The following CCNY variants were observed in gnomAD, a reference collection of about 807,000 sequenced individuals.
CCNY encodes the protein cyclin-Y.
Under a neutral mutation model 42.8 loss-of-function variants are expected in CCNY, and 19 were observed. That is an observed-to-expected ratio of 0.44 (90% CI 0.31 to 0.65). The LOEUF (loss-of-function observed/expected upper bound fraction) is 0.65, where lower values mean the gene tolerates loss of function less well. Among genes scored for constraint, CCNY ranks in the 30% least tolerant of loss-of-function variants. The pLI, the probability that CCNY is intolerant of heterozygous loss-of-function variation, is 0.07. For missense variants in CCNY, 370 were observed against 437.3 expected (o/e 0.85, Z 1.37); for synonymous variants, 165 against 162.7 (o/e 1.01, Z -0.11).
chr10:35,430,133 C>T (rs956895606), intron 1 of CCNY, among the ~76,000 whole-genome samples: 2 of 151,254 alleles, frequency 1.3e-5, no homozygotes, highest in South Asian at 2.1e-4. Flanking sequence ...GTCAGGAGAT[C>T]GAGACCATCC....
intron 1 of CCNY, among the ~76,000 whole-genome samples, chr10:35,357,082 A>G (rs1224667438): frequency 6.8e-6 from 1 of 147,584 alleles, no homozygotes; most frequent in Non-Finnish European, 1.5e-5. Context: ...AAAGCTCATC[A>G]CCTGGCTGGC....
intron 3 of CCNY, among the ~76,000 whole-genome samples, chr10:35,506,319 C>T (rs1382445632): frequency 6.6e-6 from 1 of 152,210 alleles, no homozygotes; most frequent in Non-Finnish European, 1.5e-5. Context: ...CTTAGATGCT[C>T]TGGTTCTCAG....
At chr10:35,438,721 GA>G (rs1188475655) in intron 1 of CCNY, among the ~76,000 whole-genome samples, 1 of 152,176 alleles carries the variant, frequency 6.6e-6, no homozygotes, top group Non-Finnish European at 1.5e-5. Flanking sequence ...AGAGAAGGAG[GA>G]AAGCCTTTTA....
At chr10:35,517,647 CT>C (rs1840457161) in intron 4 of CCNY, among the ~76,000 whole-genome samples, 1 of 152,184 alleles carries the variant, frequency 6.6e-6, no homozygotes, top group African/African-American at 2.4e-5. Context: ...TGGGTAGAGG[CT>C]GCCTGTTGGC....
intron 1 of CCNY, among the ~76,000 whole-genome samples, chr10:35,387,804 A>G (rs2504371): frequency 0.37 from 57,000 of 152,078 alleles, 10,884 homozygotes; most frequent in African/African-American, 0.43. Context: ...GCCAAGATCC[A>G]CGTAAGAATA....
chr10:35,427,177 C>T (rs1035965412), intron 1 of CCNY, among the ~76,000 whole-genome samples: 1 of 152,176 alleles, frequency 6.6e-6, no homozygotes, highest in African/African-American at 2.4e-5. Context: ...ACCAGCTGCC[C>T]CTGGGGTGCT....
intron 1 of CCNY, among the ~76,000 whole-genome samples, chr10:35,396,108 C>A (rs778824294): frequency 6.6e-6 from 1 of 152,094 alleles, no homozygotes; most frequent in Non-Finnish European, 1.5e-5. Flanking sequence ...CCCAGCATGG[C>A]GTTTTGCACA....
chr10:35,423,036 A>G (rs572414667), intron 1 of CCNY, among the ~76,000 whole-genome samples: 135 of 152,270 alleles, frequency 8.9e-4, no homozygotes, highest in African/African-American at 2.9e-3. Flanking sequence ...TTGTGAATCT[A>G]TTTCTAGTGT....
rs527528916 is a variant in CCNY, at chr10:35,291,781, G to T, written c.-9+41155G>T. On this transcript the variant is annotated intron_variant, in intron 3 of 11. Coordinates refer to the CCNY transcript ENST00000374706. ...TGAACTCCTGACCTCATGATCCACT[G>T]GCCTCGGCCTCCCAAAGTGCTGGGA... Among the ~76,000 whole-genome samples, 648 of 151,946 alleles carry T rather than the reference G, an allele frequency of 4.3e-3. 2 individuals are homozygous for T. The highest frequency in any genetic ancestry group is 0.015 in the African/African-American group (618 of 41,454).
intron 3 of CCNY, among the ~76,000 whole-genome samples, chr10:35,510,940 C>T (rs1198190737): frequency 6.6e-6 from 1 of 152,224 alleles, no homozygotes; most frequent in Non-Finnish European, 1.5e-5. Flanking sequence ...AAGCACTGGG[C>T]TTTCTGACTC....
chr10:35,454,832 A>G (rs2135319004), intron 1 of CCNY, among the ~76,000 whole-genome samples: 1 of 152,350 alleles, frequency 6.6e-6, no homozygotes, highest in Non-Finnish European at 1.5e-5. Flanking sequence ...TTGGGAAGGA[A>G]GTTGGCAGTA....
At chr10:35,507,060 C>T (rs564070083) in intron 3 of CCNY, among the ~76,000 whole-genome samples, 3 of 152,208 alleles carry the variant, frequency 2.0e-5, no homozygotes, top group African/African-American at 7.2e-5. Context: ...CTACTTGTCA[C>T]TTCATTGCTC....
At chr10:35,361,291 A>T (rs1337965849) in intron 1 of CCNY, among the ~76,000 whole-genome samples, 1 of 152,072 alleles carries the variant, frequency 6.6e-6, no homozygotes, top group African/African-American at 2.4e-5. Flanking sequence ...TGACTTTATA[A>T]TTTTTTTGTC....
chr10:35,490,841 G>A (rs1221256153), intron 2 of CCNY, among the ~76,000 whole-genome samples: 1 of 152,134 alleles, frequency 6.6e-6, no homozygotes, highest in African/African-American at 2.4e-5. Context: ...CTCAGCTCAG[G>A]TGTGCCTGCC....
At chr10:35,405,593 C>T (rs986265563) in intron 1 of CCNY, among the ~76,000 whole-genome samples, 2 of 152,102 alleles carry the variant, frequency 1.3e-5, no homozygotes, top group African/African-American at 4.8e-5. Context: ...AGAAGCCTGG[C>T]CGTCAATACC....
At chr10:35,432,286 A>G (rs745573752) in intron 1 of CCNY, among the ~76,000 whole-genome samples, 2 of 152,154 alleles carry the variant, frequency 1.3e-5, no homozygotes, top group Admixed American at 1.3e-4. Context: ...AATGATAGCT[A>G]CCTCTTAATG....
chr10:35,365,746 T>C (rs1836794704), intron 1 of CCNY, among the ~76,000 whole-genome samples: 1 of 152,228 alleles, frequency 6.6e-6, no homozygotes, highest in Non-Finnish European at 1.5e-5. Context: ...AAACTTATAT[T>C]ATGGCTATAA....
At position 35,337,087 on chromosome 10, in the gene CCNY, A is replaced by T. The variant is rs1836055692; in HGVS notation, c.34A>T (p.Ser12Cys). The T allele has an allele frequency of 1.3e-6, 2 of 1,593,656 alleles. No individual in the cohort carries two copies. The highest frequency in any genetic ancestry group is 1.7e-6 in the Non-Finnish European group (2 of 1,171,986). The change falls in exon 1 of 10, where the codon AGT becomes TGT. Residue 12 changes from serine to cysteine, a missense_variant. Around this residue, in one of 2 missense-constraint regions of CCNY, gnomAD observed 136 missense variants for 124.2 expected, o/e 1.09. Coordinates refer to ENST00000374704, the MANE Select transcript of CCNY (RefSeq NM_145012.6). ...CACTACCTCGTGCTGCGTGTCGTCCAGTCCCAAGCTCCGGAGGAATGCCCA... is the reference window on the plus strand; with the variant it reads ...CACTACCTCGTGCTGCGTGTCGTCCTGTCCCAAGCTCCGGAGGAATGCCCA... ...GNTTSCCVSSSPKLRRNAHSR... is the reference protein window; with the variant it reads ...GNTTSCCVSSCPKLRRNAHSR...
intron 2 of CCNY, among the ~76,000 whole-genome samples, chr10:35,486,425 C>T (rs958667194): frequency 2.0e-5 from 3 of 152,178 alleles, no homozygotes; most frequent in Non-Finnish European, 4.4e-5. Context: ...CAGCCTTGAA[C>T]CTGACCACTA....
Sources: gnomAD v4.1 joint callset for allele counts (sites outside exome capture counted in the v4.1 genomes callset) on GRCh38, gnomAD v4.1.1 for gene constraint, gnomAD v4.1.1 regional missense constraint, MANE v1.5 for transcripts, NCBI Gene and HGNC (gene_info 2026-07-23, HGNC 2026-07-21) for gene names.